BPTF: variants seen among roughly 807,000 people sequenced by gnomAD.
The protein encoded by BPTF is bromodomain PHD finger transcription factor.
BPTF carries 18 observed loss-of-function variants against 292.5 expected under a neutral mutation model. That is an observed-to-expected ratio of 0.06 (90% CI 0.04 to 0.09). BPTF has a LOEUF of 0.09. Among genes scored for constraint, BPTF ranks in the 10% least tolerant of loss-of-function variants. BPTF has a pLI of 1.00. For synonymous variants in BPTF, 1,225 were observed against 1,251.9 expected (o/e 0.98, Z 0.45); for missense variants, 2,726 against 3,498.7 (o/e 0.78, Z 5.57).
intron 4 of BPTF, among the ~76,000 whole-genome samples, chr17:67,878,266 T>C (rs1340703414): frequency 6.6e-6 from 1 of 152,248 alleles, no homozygotes; most frequent in African/African-American, 2.4e-5. Context: ...TATTCCATTA[T>C]ATAGATATGT....
At chr17:67,849,882 A>T (rs560823012) in intron 1 of BPTF, among the ~76,000 whole-genome samples, 1 of 152,274 alleles carries the variant, frequency 6.6e-6, no homozygotes, top group African/African-American at 2.4e-5. Flanking sequence ...CAGACGTTGC[A>T]GTGAGCTGAG....
At chr17:67,938,519 A>C (rs894015335) in intron 18 of BPTF, among the ~76,000 whole-genome samples, 2 of 152,226 alleles carry the variant, frequency 1.3e-5, no homozygotes, top group Non-Finnish European at 2.9e-5. Flanking sequence ...TACCAAAGGA[A>C]GCAACACAAA....
intron 18 of BPTF, among the ~76,000 whole-genome samples, chr17:67,932,614 T>A (rs949328565): frequency 2.0e-5 from 3 of 152,146 alleles, no homozygotes; most frequent in African/African-American, 7.2e-5. Context: ...GGTGGAAGAA[T>A]CGCTTGAAAC....
At chr17:67,981,486 G>T in intron 27 of BPTF, 1 of 1,216,802 alleles carries the variant, frequency 8.2e-7, no homozygotes, top group Non-Finnish European at 1.0e-6. Flanking sequence ...ACTGGATGTT[G>T]GGGTCACTCT....
chr17:67,854,909 A>C lies in BPTF; in HGVS notation c.1436+147A>C. ...AGTTAAATAATTTCTTAATTGAAGG[A>C]ATATGTGCATTAAAATAGCTTTTAA... On this transcript the variant is annotated intron_variant, in intron 2 of 27. Transcript: ENST00000306378. The surrounding 1 kb of genome is among the most constrained non-coding windows in gnomAD (Gnocchi z 5.6). 1.6e-6 allele frequency: 1 copy of C among 643,304 alleles called. No individual in the cohort carries two copies. The highest frequency in any genetic ancestry group is 2.1e-5 in the South Asian group (1 of 47,994). The allele number at this position is 643,304 out of a possible 1,614,324, so 39.8% of individuals were successfully genotyped here.
At chr17:67,842,257 A>G (rs1567877021) in intron 1 of BPTF, among the ~76,000 whole-genome samples, 2 of 152,300 alleles carry the variant, frequency 1.3e-5, no homozygotes, top group South Asian at 2.1e-4. Context: ...ATATATATCT[A>G]CATACATATA....
chr17:67,886,227 C>A, intron 4 of BPTF: 1 of 1,614,042 alleles, frequency 6.2e-7, no homozygotes, highest in Non-Finnish European at 8.5e-7. Flanking sequence ...GAACTAAATT[C>A]TTCCCAGAGT....
rs1345407507 is a variant in BPTF, at chr17:67,888,278, CTG to C, written c.1865-3560_1865-3559del. 2.0e-4 allele frequency among the ~76,000 whole-genome samples: 30 copies of C among 151,998 alleles called. 1 individual carries two copies. On this transcript the variant is annotated intron_variant, in intron 4 of 27. Coordinates refer to ENST00000306378, the MANE Select transcript of BPTF (RefSeq NM_182641.4). ...ATCTAGACCTAAATCTAGTATTTCT[CTG>C]TGTGTATATTAATTTCAGTAGATCT... is the stretch of plus-strand genomic sequence containing the variant.
intron 15 of BPTF, among the ~76,000 whole-genome samples, chr17:67,927,910 G>C (rs542633148): frequency 6.6e-6 from 1 of 151,546 alleles, no homozygotes; most frequent in Non-Finnish European, 1.5e-5. Context: ...TTTAGAGATG[G>C]AGTCACTCTG....
intron 11 of BPTF, among the ~76,000 whole-genome samples, chr17:67,916,405 A>C (rs113956576): frequency 0.12 from 17,966 of 152,022 alleles, 3,525 homozygotes; most frequent in African/African-American, 0.41. Flanking sequence ...GCCTGGCCAA[A>C]GTGGTGAAAC....
At chr17:67,953,215 C>G (rs1237087283) in intron 23 of BPTF, among the ~76,000 whole-genome samples, 2 of 151,672 alleles carry the variant, frequency 1.3e-5, no homozygotes, top group African/African-American at 2.4e-5. Flanking sequence ...CCCACTTTGG[C>G]CTCCCAAAGC....
At chr17:67,969,452 C>CAA (rs11360473) in intron 26 of BPTF, among the ~76,000 whole-genome samples, 21 of 47,916 alleles carry the variant, frequency 4.4e-4, no homozygotes, top group Admixed American at 1.1e-3. Context: ...ACTCTGTCTC[C>CAA]AAAAAAAAAA....
intron 3 of BPTF, among the ~76,000 whole-genome samples, chr17:67,869,896 G>A (rs1158541074): frequency 6.7e-6 from 1 of 149,812 alleles, no homozygotes; most frequent in East Asian, 1.9e-4. Flanking sequence ...CAGCTACTCG[G>A]CAGCCTGAGG....
At chr17:67,973,490 T>TG (rs1555692143) in intron 26 of BPTF, among the ~76,000 whole-genome samples, 1 of 152,086 alleles carries the variant, frequency 6.6e-6, no homozygotes. Flanking sequence ...TGTAGGCAGT[T>TG]GCCCCAAACC....
At chr17:67,942,100 G>A (rs2065417631) in intron 19 of BPTF, among the ~76,000 whole-genome samples, 1 of 152,198 alleles carries the variant, frequency 6.6e-6, no homozygotes, top group Non-Finnish European at 1.5e-5. Flanking sequence ...TGGATCACTT[G>A]AGGTCAGGAG....
At chr17:67,828,155 C>T (rs1254480962) in intron 1 of BPTF, among the ~76,000 whole-genome samples, 2 of 152,206 alleles carry the variant, frequency 1.3e-5, no homozygotes, top group African/African-American at 2.4e-5. Context: ...TGGTCTCGAA[C>T]TCTTGACCTC....
chr17:67,950,516 C>G (rs1259431706), intron 23 of BPTF, among the ~76,000 whole-genome samples: 9 of 151,876 alleles, frequency 5.9e-5, no homozygotes, highest in African/African-American at 2.2e-4. Flanking sequence ...ATTATTACAT[C>G]AAAACCCCAA....
At chr17:67,947,993 T>A in intron 22 of BPTF, 88 bp from the exon 23 acceptor site, 1 of 1,376,468 alleles carries the variant, frequency 7.3e-7, no homozygotes, top group African/African-American at 1.4e-5. Context: ...AAAGTTTTTG[T>A]CTCATCTGTA....
At chr17:67,881,089 C>CA (rs1479810585) in intron 4 of BPTF, among the ~76,000 whole-genome samples, 1 of 151,404 alleles carries the variant, frequency 6.6e-6, no homozygotes, top group Non-Finnish European at 1.5e-5. Flanking sequence ...GAGAAAATGA[C>CA]AAAATTGTAG....
Sources: allele counts gnomAD v4.1 joint callset (sites outside exome capture counted in the v4.1 genomes callset), GRCh38; gene constraint gnomAD v4.1.1; non-coding constraint Gnocchi (gnomAD v3.1); transcripts MANE v1.5; gene names NCBI Gene and HGNC (gene_info 2026-07-23, HGNC 2026-07-21).